Variants in DOCK1 observed in about 807,000 individuals in gnomAD.
The protein encoded by DOCK1 is dedicator of cytokinesis 1, also known as dedicator of cytokinesis protein 1.
Under a neutral mutation model 262.7 loss-of-function variants are expected in DOCK1, and 138 were observed. That is an observed-to-expected ratio of 0.53 (90% CI 0.46 to 0.61). DOCK1 has a LOEUF of 0.61. DOCK1 is among the 20% of genes least tolerant of loss of function. The pLI, the probability that DOCK1 is intolerant of heterozygous loss-of-function variation, is 0.00. For missense variants in DOCK1, 1,908 were observed against 2,370.7 expected (o/e 0.80, Z 4.05); for synonymous variants, 866 against 867.4 (o/e 1.00, Z 0.03).
intron 23 of DOCK1, among the ~76,000 whole-genome samples, chr10:127,091,794 C>A (rs1216890299): frequency 6.6e-6 from 1 of 152,156 alleles, no homozygotes; most frequent in Admixed American, 6.5e-5. Flanking sequence ...CTCAGAGTGA[C>A]CAAAAACACA....
intron 27 of DOCK1, among the ~76,000 whole-genome samples, chr10:127,183,448 G>C (rs1305923006): frequency 6.6e-6 from 1 of 152,164 alleles, no homozygotes; most frequent in East Asian, 1.9e-4. Flanking sequence ...ATGGTCTTCG[G>C]TTCACTGCAG....
At chr10:127,348,085 G>A (rs1253645421) in intron 31 of DOCK1, among the ~76,000 whole-genome samples, 1 of 151,464 alleles carries the variant, frequency 6.6e-6, no homozygotes, top group African/African-American at 2.4e-5. Flanking sequence ...AAAAGAATGG[G>A]CCATACCACG....
chr10:127,451,431 C>T lies in DOCK1; in HGVS notation c.*4C>T, dbSNP rs370434201. 2.0e-5 allele frequency: 31 copies of T among 1,568,618 alleles called. 1 individual carries two copies. The highest frequency in any genetic ancestry group is 1.8e-4 in the South Asian group (15 of 84,830). Reference sequence around the variant, plus strand: ...GGACTCCGGGATCGTGCAGTGACGTCGCAAGCCTCTCTGGAAAGAGTGTGC... The same window carrying T: ...GGACTCCGGGATCGTGCAGTGACGTTGCAAGCCTCTCTGGAAAGAGTGTGC... On this transcript the variant is annotated 3_prime_UTR_variant, in exon 52 of 52. Transcript: ENST00000623213.
chr10:127,246,520 A>T (rs893256162), intron 27 of DOCK1, among the ~76,000 whole-genome samples: 1 of 152,230 alleles, frequency 6.6e-6, no homozygotes, highest in African/African-American at 2.4e-5. Flanking sequence ...CCATTTTACT[A>T]ATCATTGCCT....
intron 25 of DOCK1, among the ~76,000 whole-genome samples, chr10:127,116,326 CCTTATT>C (rs1434960715): frequency 2.3e-4 from 35 of 152,068 alleles, no homozygotes; most frequent in Admixed American, 6.5e-5. Flanking sequence ...AAATTATTTT[CCTTATT>C]CTTATTTTCA....
chr10:126,968,035 C>T (rs973886499), intron 1 of DOCK1, among the ~76,000 whole-genome samples: 9 of 152,172 alleles, frequency 5.9e-5, no homozygotes, highest in Non-Finnish European at 7.4e-5. Context: ...AGGCTGGTCT[C>T]GAACTCCTGG....
intron 21 of DOCK1, among the ~76,000 whole-genome samples, chr10:127,046,701 C>G (rs899230356): frequency 3.1e-4 from 43 of 136,734 alleles, no homozygotes; most frequent in African/African-American, 1.2e-3. Flanking sequence ...GCAGAGGTTG[C>G]AGTGAGCAGA....
rs2050051297 is a variant in DOCK1, at chr10:127,127,698, C to A, written c.2781C>A (p.Ile927=). The A allele has an allele frequency of 6.2e-7, 1 of 1,612,776 alleles. No individual in the cohort carries two copies. The highest frequency in any genetic ancestry group is 1.7e-5 in the Admixed American group (1 of 59,998). ...CAACCCAGAGGCACGTCCAGATTATCATGGAGAAACTTCTCCGGACCGTGA... is the reference window on the plus strand; with the variant it reads ...CAACCCAGAGGCACGTCCAGATTATAATGGAGAAACTTCTCCGGACCGTGA... ...VGPTQRHVQI[I]MEKLLRTVNR... Residue 927 remains isoleucine (I), a synonymous_variant, in exon 27 of 52, where the codon ATC becomes ATA. Coordinates refer to ENST00000623213, the MANE Select transcript of DOCK1 (RefSeq NM_001290223.2).
At position 126,960,046 on chromosome 10, in the gene DOCK1, G is replaced by A. The variant is rs1047684140; in HGVS notation, c.47-10656G>A. On this transcript the variant is annotated intron_variant, in intron 1 of 51. Transcript: ENST00000623213. ...TGGTCTCGAACTCCTGACCTCAGGTGATCCGCCCGCTTGGGGCTTACAGGC... is the reference window on the plus strand; with the variant it reads ...TGGTCTCGAACTCCTGACCTCAGGTAATCCGCCCGCTTGGGGCTTACAGGC... Among the ~76,000 whole-genome samples, 76 of 152,308 alleles carry A rather than the reference G, an allele frequency of 5.0e-4. 1 individual carries two copies. The highest frequency in any genetic ancestry group is 3.9e-3 in the Admixed American group (59 of 15,302).
chr10:127,158,512 G>C (rs1334219472), intron 27 of DOCK1, among the ~76,000 whole-genome samples: 1 of 152,152 alleles, frequency 6.6e-6, no homozygotes, highest in Non-Finnish European at 1.5e-5. Context: ...ATATACATAG[G>C]CTTGTAACTC....
chr10:127,107,981 C>T (rs535763359), intron 24 of DOCK1, among the ~76,000 whole-genome samples: 2 of 152,302 alleles, frequency 1.3e-5, no homozygotes, highest in Admixed American at 1.3e-4. Flanking sequence ...GTATCATTGA[C>T]GCTCACAGTT....
intron 1 of DOCK1, among the ~76,000 whole-genome samples, chr10:126,919,994 G>C (rs764612617): frequency 3.3e-5 from 5 of 152,228 alleles, no homozygotes; most frequent in Non-Finnish European, 7.3e-5. Flanking sequence ...GACTAAGGCA[G>C]TGTCGGCTCA....
intron 5 of DOCK1, among the ~76,000 whole-genome samples, chr10:126,988,945 T>C (rs907502729): frequency 6.6e-6 from 1 of 151,972 alleles, no homozygotes; most frequent in Non-Finnish European, 1.5e-5. Flanking sequence ...TGGTGGAGCA[T>C]GCCTGTAGTC....
rs141583559 is a variant in DOCK1 at position 127,151,367 on chromosome 10, C to A, written c.2847+23603C>A. On this transcript the variant is annotated intron_variant, in intron 27 of 51. Coordinates refer to ENST00000623213, the MANE Select transcript of DOCK1 (RefSeq NM_001290223.2). The stretch of plus-strand genomic sequence containing the variant: ...GCAGGAGTCCAGCCGAAATATTACT[C>A]TGCAGACTGTCCTGGGACCAAAAGC... Among the ~76,000 whole-genome samples the A allele has an allele frequency of 5.5e-3, 843 of 152,236 alleles. 3 individuals are homozygous for A. The highest frequency in any genetic ancestry group is 0.011 in the African/African-American group (441 of 41,536).
chr10:127,084,127 TA>T (rs1337923380), intron 23 of DOCK1, among the ~76,000 whole-genome samples: 3 of 152,232 alleles, frequency 2.0e-5, no homozygotes, highest in Non-Finnish European at 4.4e-5. Context: ...ATCTCCTGTT[TA>T]TAATTGCAGG....
chr10:127,341,578 C>T (rs1358891168), intron 30 of DOCK1, among the ~76,000 whole-genome samples: 1 of 152,130 alleles, frequency 6.6e-6, no homozygotes, highest in Non-Finnish European at 1.5e-5. Flanking sequence ...TGCCATTTTT[C>T]TGGTTTTTTT....
In DOCK1 at chr10:126,934,426, C is replaced by T. The variant is rs1006103700; in HGVS notation, c.46+28863C>T. Among the ~76,000 whole-genome samples, 288 of 152,338 alleles carry T rather than the reference C, an allele frequency of 1.9e-3. 3 individuals carry two copies. The highest frequency in any genetic ancestry group is 2.9e-3 in the Non-Finnish European group (196 of 68,036). ...GGGCTCTGTTGCAGGCTCCCACCTT[C>T]GGAGAGAAGCCGTGCACCATTCGAC... On this transcript the variant is annotated intron_variant, in intron 1 of 51. Transcript: ENST00000623213.
intron 31 of DOCK1, among the ~76,000 whole-genome samples, chr10:127,347,310 C>T (rs957937268): frequency 1.3e-5 from 2 of 152,210 alleles, no homozygotes; most frequent in African/African-American, 4.8e-5. Flanking sequence ...AGGTCATGGT[C>T]TAGTGGGGTA....
chr10:127,193,267 G>C (rs948946521), intron 27 of DOCK1, among the ~76,000 whole-genome samples: 2 of 152,094 alleles, frequency 1.3e-5, no homozygotes, highest in Admixed American at 6.6e-5. Flanking sequence ...TTTTATCTGG[G>C]GAGTTTTTAT....
Sources: gnomAD v4.1 joint callset for allele counts (sites outside exome capture counted in the v4.1 genomes callset) on GRCh38, gnomAD v4.1.1 for gene constraint, MANE v1.5 for transcripts, NCBI Gene and HGNC (gene_info 2026-07-23, HGNC 2026-07-21) for gene names.